C12orf56: variants seen among roughly 807,000 people sequenced by gnomAD.
C12orf56 encodes the protein chromosome 12 open reading frame 56.
In C12orf56, 71 loss-of-function variants were observed where a neutral mutation model predicts 69.9. That is an observed-to-expected ratio of 1.02 (90% CI 0.84 to 1.24). The LOEUF (loss-of-function observed/expected upper bound fraction) is 1.24. C12orf56 is among the 50% of genes most tolerant of loss of function. The probability of loss-of-function intolerance (pLI) is 0.00; values close to 1 mark genes in which losing one functional copy is unlikely to be tolerated. For missense variants in C12orf56, 732 were observed against 738.5 expected, an observed-to-expected ratio of 0.99 and a Z score of 0.10; for synonymous variants, 276 against 274.1, an observed-to-expected ratio of 1.01 and a Z score of -0.07.
chr12:64,337,972 G>A, intron 2 of C12orf56, among the ~76,000 whole-genome samples: 1 of 151,946 alleles, frequency 6.6e-6, no homozygotes, highest in Non-Finnish European at 1.5e-5. Flanking sequence ...CTGGAGGTGA[G>A]TCCTGATCAT....
At position 64,330,685 on chromosome 12, in the gene C12orf56, C is replaced by T. The variant is rs376947706; in HGVS notation, c.488+275G>A. On this transcript the variant is annotated intron_variant, in intron 3 of 12. Transcript: ENST00000543942. ...TGCCCTACACAGAACCAGAGCTCAA[C>T]AGATGTCTTTGAATTTAATTTTAAT... 3.3e-5 allele frequency among the ~76,000 whole-genome samples: 5 copies of T among 152,234 alleles called. No individual in the cohort carries two copies. The South Asian group carries it at 8.3e-4, about 25-fold the overall frequency.
At chr12:64,337,155 A>G (rs969637550) in intron 2 of C12orf56, among the ~76,000 whole-genome samples, 2 of 152,200 alleles carry the variant, frequency 1.3e-5, no homozygotes, top group Non-Finnish European at 2.9e-5. Context: ...ACATATCTAT[A>G]TAGATATAGA....
chr12:64,372,961 C>T (rs754534992), intron 1 of C12orf56, among the ~76,000 whole-genome samples: 3 of 152,130 alleles, frequency 2.0e-5, no homozygotes, highest in African/African-American at 4.8e-5. Flanking sequence ...TTTACTTCCT[C>T]GATGAAACTT....
chr12:64,296,533 T>C (rs1037166463), intron 6 of C12orf56, among the ~76,000 whole-genome samples: 3 of 152,174 alleles, frequency 2.0e-5, no homozygotes, highest in Non-Finnish European at 4.4e-5. Flanking sequence ...AATCCTGCCT[T>C]GAGTGTCACC....
At chr12:64,308,148 G>T (rs1322476458) in intron 5 of C12orf56, among the ~76,000 whole-genome samples, 5 of 151,444 alleles carry the variant, frequency 3.3e-5, no homozygotes, top group Non-Finnish European at 5.9e-5. Flanking sequence ...GCAAAACCCA[G>T]TCTCTACTAA....
Position 64,303,785 on chromosome 12 carries a change from G to C in C12orf56, c.969-6C>G. On this transcript the variant is annotated splice_polypyrimidine_tract_variant and splice_region_variant and intron_variant, in intron 5 of 12. Transcript: ENST00000543942. ...GCTTAATTTTCTCCTCAGACCTACA[G>C]AAACAGAAGAAAATTTTCCACTTAA... 6.4e-7 allele frequency: 1 copy of C among 1,566,588 alleles called. No homozygotes were observed. The highest frequency in any genetic ancestry group is 8.6e-7 in the Non-Finnish European group (1 of 1,164,302).
chr12:64,294,018 G>A (rs2038331380), intron 6 of C12orf56, among the ~76,000 whole-genome samples: 1 of 152,138 alleles, frequency 6.6e-6, no homozygotes, highest in African/African-American at 2.4e-5. Flanking sequence ...TTTATTTCAT[G>A]TAAATTATAC....
intron 4 of C12orf56, among the ~76,000 whole-genome samples, chr12:64,313,625 T>C (rs1407589661): frequency 1.3e-5 from 2 of 151,430 alleles, no homozygotes; most frequent in Non-Finnish European, 2.9e-5. Flanking sequence ...TATAAACACA[T>C]AAATTTATAG....
At chr12:64,283,671 T>C (rs902354664) in intron 8 of C12orf56, among the ~76,000 whole-genome samples, 3 of 151,394 alleles carry the variant, frequency 2.0e-5, no homozygotes, top group Non-Finnish European at 4.4e-5. Flanking sequence ...CTTTTTTAAC[T>C]GGAATGCCCT....
intron 2 of C12orf56, among the ~76,000 whole-genome samples, chr12:64,345,322 T>C (rs185535791): frequency 4.7e-4 from 72 of 152,124 alleles, no homozygotes; most frequent in Middle Eastern, 3.4e-3. Flanking sequence ...CAGTGCAGGA[T>C]TTATCTCCTC....
intron 1 of C12orf56, among the ~76,000 whole-genome samples, chr12:64,364,231 C>G (rs952292445): frequency 6.6e-6 from 1 of 151,668 alleles, no homozygotes; most frequent in Non-Finnish European, 1.5e-5. Flanking sequence ...TGCAGTGAGC[C>G]GAGACTGAGC....
At chr12:64,359,172 G>A (rs1442546677) in intron 1 of C12orf56, among the ~76,000 whole-genome samples, 1 of 152,110 alleles carries the variant, frequency 6.6e-6, no homozygotes, top group East Asian at 1.9e-4. Flanking sequence ...AAAGGATAAA[G>A]TATCTGAACA....
At chr12:64,337,152 TATATAG>T (rs1269268971) in intron 2 of C12orf56, among the ~76,000 whole-genome samples, 1 of 152,238 alleles carries the variant, frequency 6.6e-6, no homozygotes, top group East Asian at 1.9e-4. Context: ...TCAACATATC[TATATAG>T]ATATAGATAT....
chr12:64,352,116 G>GTT (rs55635010), intron 2 of C12orf56, among the ~76,000 whole-genome samples: 2 of 147,206 alleles, frequency 1.4e-5, no homozygotes, highest in African/African-American at 5.2e-5. Flanking sequence ...TTTTTTTTTT[G>GTT]TTTTTTTTTT....
At chr12:64,374,741 ACCATGTTGG>A (rs377070952) in intron 1 of C12orf56, among the ~76,000 whole-genome samples, 53 of 152,004 alleles carry the variant, frequency 3.5e-4, no homozygotes, top group African/African-American at 1.3e-3. Flanking sequence ...ACAGGATTTC[ACCATGTTGG>A]CCAGACTAGT....
At chr12:64,341,528 A>G (rs562171386) in intron 2 of C12orf56, among the ~76,000 whole-genome samples, 3 of 152,326 alleles carry the variant, frequency 2.0e-5, no homozygotes, top group African/African-American at 4.8e-5. Flanking sequence ...AGTGAATTCC[A>G]TGAGCATGAG....
intron 2 of C12orf56, among the ~76,000 whole-genome samples, chr12:64,334,108 C>G (rs11175343): frequency 5.6e-4 from 86 of 152,260 alleles, no homozygotes; most frequent in African/African-American, 2.0e-3. Flanking sequence ...CTTGGTAGTA[C>G]GGGCCAGCTG....
intron 12 of C12orf56, among the ~76,000 whole-genome samples, chr12:64,269,429 G>C (rs931005043): frequency 6.6e-6 from 1 of 152,116 alleles, no homozygotes; most frequent in Admixed American, 6.5e-5. Context: ...GCTGGCTACT[G>C]TTCTTTCTTA....
intron 1 of C12orf56, among the ~76,000 whole-genome samples, chr12:64,363,686 G>T (rs909709184): frequency 4.6e-5 from 7 of 152,262 alleles, no homozygotes; most frequent in African/African-American, 1.7e-4. Context: ...GCGGAAAAAG[G>T]TGCTTGAATG....
Sources: gnomAD v4.1 joint callset for allele counts (sites outside exome capture counted in the v4.1 genomes callset) on GRCh38, gnomAD v4.1.1 for gene constraint, MANE v1.5 for transcripts, NCBI Gene and HGNC (gene_info 2026-07-23, HGNC 2026-07-21) for gene names.